MSI2: variants seen among roughly 807,000 people sequenced by gnomAD.
MSI2 encodes musashi RNA binding protein 2.
A neutral mutation model predicts 45.6 loss-of-function variants in MSI2; 17 were observed. The observed-to-expected ratio is 0.37, with a 90% confidence interval of 0.26 to 0.56. The LOEUF is 0.56. MSI2 is among the 20% of genes least tolerant of loss of function. The pLI, the probability that MSI2 is intolerant of heterozygous loss-of-function variation, is 0.77. For synonymous variants in MSI2, 156 were observed against 158.2 expected (o/e 0.99, Z 0.11); for missense variants, 293 against 444.2 (o/e 0.66, Z 3.06).
In MSI2 at chr17:57,632,865, T is replaced by G. The variant is rs1462883138; in HGVS notation, c.727+5562T>G. On this transcript the variant is annotated intron_variant, in intron 10 of 13. Coordinates refer to ENST00000284073, the MANE Select transcript of MSI2 (RefSeq NM_138962.4). ...GTCATTGTCCTTGAGACCCTACATG[T>G]GCAGTTTGGCTCATCTCATTAAAGA... The G allele has an allele frequency of 3.3e-5, 35 of 1,063,714 alleles. No individual in the cohort carries two copies. In the East Asian group the frequency reaches 8.1e-4, roughly 24 times the overall value. 65.9% of individuals were successfully genotyped at this position (1,063,714 alleles called of 1,614,324 possible).
chr17:57,308,189 G>T (rs909015994), intron 5 of MSI2, among the ~76,000 whole-genome samples: 1 of 152,164 alleles, frequency 6.6e-6, no homozygotes, highest in African/African-American at 2.4e-5. Context: ...AGGATTAAAT[G>T]AGACGACGTG....
chr17:57,484,078 T>G (rs1169993019), intron 6 of MSI2, among the ~76,000 whole-genome samples: 5 of 152,200 alleles, frequency 3.3e-5, no homozygotes. Context: ...AGGGATGGAA[T>G]TTGAACCCAG....
intron 6 of MSI2, among the ~76,000 whole-genome samples, chr17:57,526,095 C>T (rs975676209): frequency 2.0e-5 from 3 of 152,130 alleles, no homozygotes; most frequent in South Asian, 4.2e-4. Context: ...CATGGTGGTG[C>T]ATGCCTGTAA....
intron 5 of MSI2, among the ~76,000 whole-genome samples, chr17:57,313,063 T>A (rs1288557331): frequency 6.6e-6 from 1 of 152,170 alleles, no homozygotes; most frequent in Non-Finnish European, 1.5e-5. Flanking sequence ...ACCAGGATGG[T>A]CTTGATCTCT....
intron 5 of MSI2, chr17:57,263,338 A>G (rs1907492373): frequency 6.6e-6 from 1 of 152,238 alleles, no homozygotes; most frequent in South Asian, 2.1e-4. Context: ...AGTAAATACA[A>G]TGAAATATTT....
At chr17:57,516,484 G>A (rs112108781) in intron 6 of MSI2, among the ~76,000 whole-genome samples, 4,347 of 152,180 alleles carry the variant, frequency 0.029, 208 homozygotes, top group African/African-American at 0.098. Context: ...ACATCAAGCC[G>A]GGTACACTTA....
Position 57,280,620 on chromosome 17 carries a change from G to A in MSI2, c.312+18428G>A, listed in dbSNP as rs1470801542. 6.6e-6 allele frequency among the ~76,000 whole-genome samples: 1 copy of A among 152,174 alleles called. No homozygotes were observed. Among genetic ancestry groups the A allele is most frequent in the Non-Finnish European group, 1.5e-5 (1 of 68,034 alleles). ...CCCATGCAGGGGACAGGCAGGGCAG[G>A]TGTGCCTGGCTCAGGGGGTTGAGTG... On this transcript the variant is annotated intron_variant, in intron 5 of 13. Transcript: ENST00000284073. The surrounding 1 kb of genome is among the most constrained non-coding windows in gnomAD (Gnocchi z 4.2).
chr17:57,614,473 C>T (rs1907482363), intron 8 of MSI2, among the ~76,000 whole-genome samples: 1 of 152,234 alleles, frequency 6.6e-6, no homozygotes, highest in Admixed American at 6.5e-5. Context: ...AGCTGTTGAA[C>T]TATGTAGAGC....
At chr17:57,599,601 G>A (rs1331331640) in intron 8 of MSI2, among the ~76,000 whole-genome samples, 1 of 152,208 alleles carries the variant, frequency 6.6e-6, no homozygotes, top group Non-Finnish European at 1.5e-5. Context: ...GTTTGCCTTT[G>A]AATCTGGGGC....
intron 13 of MSI2, 104 bp downstream of exon 13, chr17:57,677,163 ATCTC>A: frequency 5.0e-6 from 4 of 793,430 alleles, no homozygotes; most frequent in South Asian, 3.0e-5. Flanking sequence ...TCACATCCAC[ATCTC>A]TCTCTCCTCT....
chr17:57,468,308 C>T (rs1355243526), intron 6 of MSI2, among the ~76,000 whole-genome samples: 2 of 151,194 alleles, frequency 1.3e-5, no homozygotes, highest in African/African-American at 2.4e-5. Context: ...GGGCAGATCA[C>T]GAGGTCAGGA....
chr17:57,258,381 C>T (rs779858584), intron 4 of MSI2, 27 bp downstream of exon 4: 1 of 1,581,940 alleles, frequency 6.3e-7, no homozygotes, highest in South Asian at 1.1e-5. Flanking sequence ...TGTTGTTGTT[C>T]GCCCCTTTTC....
chr17:57,542,661 G>C lies in MSI2; in HGVS notation c.454+12937G>C, dbSNP rs187636554. 1.5e-3 allele frequency among the ~76,000 whole-genome samples: 233 copies of C among 152,304 alleles called. 3 individuals carry two copies. Among genetic ancestry groups the C allele is most frequent in the Non-Finnish European group, 3.8e-4 (26 of 68,026 alleles). On this transcript the variant is annotated intron_variant, in intron 7 of 13. Coordinates refer to ENST00000284073, the MANE Select transcript of MSI2 (RefSeq NM_138962.4). ...CAGCTGATGCTAATATGCAGTCAGGGCTGGGCACCCCCTGGGTCACATGAC... is the reference window on the plus strand; with the variant it reads ...CAGCTGATGCTAATATGCAGTCAGGCCTGGGCACCCCCTGGGTCACATGAC...
At chr17:57,373,346 A>G (rs753320692) in intron 5 of MSI2, among the ~76,000 whole-genome samples, 10 of 152,182 alleles carry the variant, frequency 6.6e-5, no homozygotes, top group East Asian at 1.9e-4. Context: ...GCCTCACCCC[A>G]GGTCAATCAG....
At chr17:57,578,937 GT>G (rs2088126135) in intron 7 of MSI2, among the ~76,000 whole-genome samples, 1 of 152,140 alleles carries the variant, frequency 6.6e-6, no homozygotes, top group South Asian at 2.1e-4. Context: ...ATGGGAGGGA[GT>G]GTGTCTCGGA....
intron 5 of MSI2, among the ~76,000 whole-genome samples, chr17:57,295,565 C>T (rs1910849770): frequency 6.6e-6 from 1 of 152,084 alleles, no homozygotes; most frequent in Non-Finnish European, 1.5e-5. Flanking sequence ...GAAATAGGCT[C>T]TATCTGTTAA....
chr17:57,669,014 G>A (rs940130861), intron 11 of MSI2, among the ~76,000 whole-genome samples: 3 of 152,220 alleles, frequency 2.0e-5, no homozygotes, highest in African/African-American at 7.2e-5. Context: ...GAAAGCTTGA[G>A]CCAAGGATTG....
chr17:57,343,914 G>T (rs574720710), intron 5 of MSI2, among the ~76,000 whole-genome samples: 1 of 152,282 alleles, frequency 6.6e-6, no homozygotes, highest in East Asian at 1.9e-4. Flanking sequence ...AGAACACGAC[G>T]TAAGTGTTTT....
chr17:57,622,942 T>C (rs938419745), intron 9 of MSI2, among the ~76,000 whole-genome samples: 3 of 152,190 alleles, frequency 2.0e-5, no homozygotes, highest in African/African-American at 7.2e-5. Context: ...GAAGGTCCTG[T>C]CTGCACTAGC....
Sources: allele counts gnomAD v4.1 joint callset (sites outside exome capture counted in the v4.1 genomes callset), GRCh38; gene constraint gnomAD v4.1.1; non-coding constraint Gnocchi (gnomAD v3.1); transcripts MANE v1.5; gene names NCBI Gene and HGNC (gene_info 2026-07-23, HGNC 2026-07-21).